The following RALGPS1 variants were observed in gnomAD, a reference collection of about 807,000 sequenced individuals.
The protein encoded by RALGPS1 is Ral GEF with PH domain and SH3 binding motif 1, also known as ras-specific guanine nucleotide-releasing factor RalGPS1.
In RALGPS1, 19 loss-of-function variants were observed where a neutral mutation model predicts 78.8. That is an observed-to-expected ratio of 0.24 (90% CI 0.17 to 0.35). RALGPS1 has a LOEUF of 0.35. RALGPS1 is among the 10% of genes least tolerant of loss of function. The probability of loss-of-function intolerance (pLI) is 1.00; values close to 1 mark genes in which losing one functional copy is unlikely to be tolerated. For synonymous variants in RALGPS1, 228 were observed against 256.3 expected (o/e 0.89, Z 1.06); for missense variants, 454 against 688.3 (o/e 0.66, Z 3.81).
In RALGPS1 at chr9:127,074,123, C is replaced by T. The variant is rs555677092; in HGVS notation, c.610+4767C>T. Reference sequence around the variant, plus strand: ...TCTCGAACTCCTGACCTCAGGTGATCTGCCTGCCTCAGCCTCCCAAAGTTC... The same window carrying T: ...TCTCGAACTCCTGACCTCAGGTGATTTGCCTGCCTCAGCCTCCCAAAGTTC... On this transcript the variant is annotated intron_variant, in intron 8 of 18. Coordinates refer to ENST00000259351, the MANE Select transcript of RALGPS1 (RefSeq NM_014636.3). Among the ~76,000 whole-genome samples, 23 of 152,324 alleles carry T rather than the reference C, an allele frequency of 1.5e-4. No homozygotes were observed. In the South Asian group the frequency reaches 4.8e-3, roughly 32 times the overall value.
intron 4 of RALGPS1, among the ~76,000 whole-genome samples, chr9:127,011,254 T>G (rs1589003300): frequency 6.6e-6 from 1 of 152,212 alleles, no homozygotes; most frequent in African/African-American, 2.4e-5. Context: ...CTCGGCTCAC[T>G]GCAACCTCTG....
rs7876020 is a variant in RALGPS1, at chr9:127,222,569, G to C, written c.*3800G>C. The C allele has an allele frequency of 0.12, 18,983 of 152,350 alleles. 3,534 individuals are homozygous for C. Among genetic ancestry groups the C allele is most frequent in the African/African-American group, 0.41 (16,865 of 41,476 alleles). 9.4% of individuals were successfully genotyped at this position (152,350 alleles called of 1,614,324 possible). On this transcript the variant is annotated 3_prime_UTR_variant, in exon 19 of 19. Transcript: ENST00000259351. ...ATGGACTTCAGACCGCCTTGCAGCCGTATGCTGCACAAGCGTGTACACCCC... is the reference window on the plus strand; with the variant it reads ...ATGGACTTCAGACCGCCTTGCAGCCCTATGCTGCACAAGCGTGTACACCCC...
At chr9:127,011,134 G>C (rs906385198) in intron 4 of RALGPS1, among the ~76,000 whole-genome samples, 7 of 152,122 alleles carry the variant, frequency 4.6e-5, no homozygotes, top group Non-Finnish European at 1.0e-4. Flanking sequence ...CTGGCGGCTG[G>C]AGATGCATAG....
At position 127,212,323 on chromosome 9, in the gene RALGPS1, C is replaced by T. The variant is rs758016659; in HGVS notation, c.1353+87C>T. The T allele has an allele frequency of 5.9e-6, 6 of 1,010,766 alleles. No individual in the cohort carries two copies. Among genetic ancestry groups the T allele is most frequent in the Non-Finnish European group, 7.3e-6 (5 of 689,640 alleles). 62.6% of individuals were successfully genotyped at this position (1,010,766 alleles called of 1,614,324 possible). On this transcript the variant is annotated intron_variant, in intron 15 of 18. Transcript: ENST00000259351. The surrounding 1 kb of genome is among the most constrained non-coding windows in gnomAD (Gnocchi z 6.0). The stretch of plus-strand genomic sequence containing the variant: ...CTCCTAGAGGTCTCAGCAAAAGTCA[C>T]ATGCATGGCAGAGGCTCTGCTTGCA...
chr9:126,985,416 A>G, intron 4 of RALGPS1, among the ~76,000 whole-genome samples: 1 of 152,214 alleles, frequency 6.6e-6, no homozygotes. Context: ...ATTGCTCGTT[A>G]TACTACATTA....
chr9:127,187,031 T>A (rs1236063421), intron 11 of RALGPS1, among the ~76,000 whole-genome samples: 2 of 152,146 alleles, frequency 1.3e-5, no homozygotes, highest in African/African-American at 4.8e-5. Context: ...CCGAAGAAGT[T>A]ACCAGAAGAG....
chr9:127,144,727 G>A (rs903996966), intron 8 of RALGPS1, among the ~76,000 whole-genome samples: 1 of 152,236 alleles, frequency 6.6e-6, no homozygotes, highest in African/African-American at 2.4e-5. Flanking sequence ...AAAACGCTAA[G>A]TGAAAGAAGC....
At chr9:127,174,612 G>A (rs2059749823) in intron 10 of RALGPS1, 103 bp from the exon 11 acceptor site, 1 of 999,416 alleles carries the variant, frequency 1.0e-6, no homozygotes, top group African/African-American at 1.6e-5. Context: ...AGATCTCACA[G>A]TATTCCTGGC....
chr9:126,932,780 A>T (rs115778200), intron 1 of RALGPS1, among the ~76,000 whole-genome samples: 1,700 of 152,070 alleles, frequency 0.011, 30 homozygotes, highest in African/African-American at 0.039. Flanking sequence ...ACATTAGAAC[A>T]TATAATTAAT....
intron 8 of RALGPS1, among the ~76,000 whole-genome samples, chr9:127,155,422 G>C (rs971491153): frequency 6.6e-6 from 1 of 152,166 alleles, no homozygotes; most frequent in Non-Finnish European, 1.5e-5. Context: ...GGGAAGGGGA[G>C]GAAACCCCTC....
chr9:127,189,250 A>T (rs1463178291), intron 11 of RALGPS1, among the ~76,000 whole-genome samples: 1 of 152,134 alleles, frequency 6.6e-6, no homozygotes. Context: ...TCAAACAGAG[A>T]TTGTCCTCAA....
At chr9:127,013,919 A>G (rs1029824186) in intron 4 of RALGPS1, among the ~76,000 whole-genome samples, 2 of 152,122 alleles carry the variant, frequency 1.3e-5, no homozygotes, top group African/African-American at 4.8e-5. Context: ...TCCTTCTTAT[A>G]CACTGATTGC....
chr9:127,028,371 A>G (rs1195485000), intron 4 of RALGPS1, among the ~76,000 whole-genome samples: 1 of 152,228 alleles, frequency 6.6e-6, no homozygotes, highest in African/African-American at 2.4e-5. Context: ...TGCTTGTTAC[A>G]TATTATTTCA....
At chr9:126,961,531 C>T (rs58808977) in intron 1 of RALGPS1, among the ~76,000 whole-genome samples, 58,042 of 152,056 alleles carry the variant, frequency 0.38, 12,922 homozygotes, top group Non-Finnish European at 0.48. Context: ...AGGCTGGATG[C>T]GGTGGCTCAC....
At chr9:127,062,845 T>C (rs1051794603) in intron 7 of RALGPS1, among the ~76,000 whole-genome samples, 2 of 152,210 alleles carry the variant, frequency 1.3e-5, no homozygotes, top group Non-Finnish European at 2.9e-5. Flanking sequence ...TATGTGACTT[T>C]GTAGTTTTTT....
chr9:127,108,357 C>T, intron 8 of RALGPS1: 1 of 1,611,874 alleles, frequency 6.2e-7, no homozygotes, highest in Non-Finnish European at 8.5e-7. Flanking sequence ...TGCGGCTCTC[C>T]TTGCGCAGCA....
intron 4 of RALGPS1, among the ~76,000 whole-genome samples, chr9:127,018,970 T>C (rs2045176964): frequency 6.6e-6 from 1 of 152,246 alleles, no homozygotes; most frequent in Non-Finnish European, 1.5e-5. Flanking sequence ...CATGACTATA[T>C]TGAGTTAAAT....
chr9:126,968,377 A>G (rs914801450), intron 3 of RALGPS1, among the ~76,000 whole-genome samples: 2 of 152,208 alleles, frequency 1.3e-5, no homozygotes, highest in Non-Finnish European at 2.9e-5. Context: ...GTAAGGATCC[A>G]AGAGATTAAT....
chr9:126,991,797 A>G lies in RALGPS1; in HGVS notation c.216+14052A>G, dbSNP rs553323326. ...AAGATTGTGGAAGAGGGGGCCTAGA[A>G]TGGACCTCGCACATGGCAGAAACTC... On this transcript the variant is annotated intron_variant, in intron 4 of 18. Transcript: ENST00000259351. Among the ~76,000 whole-genome samples the G allele has an allele frequency of 2.6e-5, 4 of 152,336 alleles. No individual in the cohort carries two copies. The East Asian group carries it at 5.8e-4, about 22-fold the overall frequency.
Sources: allele counts gnomAD v4.1 joint callset (sites outside exome capture counted in the v4.1 genomes callset), GRCh38; gene constraint gnomAD v4.1.1; non-coding constraint Gnocchi (gnomAD v3.1); transcripts MANE v1.5; gene names NCBI Gene and HGNC (gene_info 2026-07-23, HGNC 2026-07-21).